The following CCDC171 variants were observed in gnomAD, a reference collection of about 807,000 sequenced individuals.
CCDC171 encodes coiled-coil domain-containing protein 171.
Under a neutral mutation model 168.2 loss-of-function variants are expected in CCDC171, and 177 were observed. The observed-to-expected ratio is 1.05, with a 90% CI of 0.93 to 1.19. CCDC171 has a LOEUF of 1.19. Ranked by LOEUF, CCDC171 falls within the 50% of genes most tolerant of loss-of-function variation. The pLI is 0.00. For missense variants in CCDC171, 1,991 were observed against 1,539.0 expected (o/e 1.29, Z -4.91); for synonymous variants, 687 against 540.8 (o/e 1.27, Z -3.75).
At chr9:15,651,182 C>T (rs560967177) in intron 7 of CCDC171, among the ~76,000 whole-genome samples, 1 of 151,794 alleles carries the variant, frequency 6.6e-6, no homozygotes, top group South Asian at 2.1e-4. Context: ...AATCTCCACT[C>T]ACTGCAACTT....
At position 15,721,901 on chromosome 9, in the gene CCDC171, C is replaced by G. The variant is rs761386071; in HGVS notation, c.1425+26C>G. 1.2e-5 allele frequency: 15 copies of G among 1,271,154 alleles called. No homozygotes were observed. The African/African-American group carries it at 2.1e-4, about 18-fold the overall frequency. 78.7% of individuals were successfully genotyped at this position (1,271,154 alleles called of 1,614,324 possible). On this transcript the variant is annotated intron_variant, in intron 12 of 25. Transcript: ENST00000380701. ...GTAACACTTGCACTGTTTGGCTCCA[C>G]ACATATAGCCTTCGGCCTGTACCAG... is the stretch of plus-strand genomic sequence containing the variant.
chr9:15,849,156 A>G (rs1260953955), intron 23 of CCDC171, among the ~76,000 whole-genome samples: 2 of 151,740 alleles, frequency 1.3e-5, no homozygotes, highest in South Asian at 2.1e-4. Flanking sequence ...TAAAACTATG[A>G]AAATAGTGGT....
At chr9:15,852,023 A>C (rs1165458533) in intron 23 of CCDC171, among the ~76,000 whole-genome samples, 1 of 151,840 alleles carries the variant, frequency 6.6e-6, no homozygotes, top group Non-Finnish European at 1.5e-5. Context: ...GTTATTATGA[A>C]TAGTGAATGC....
At position 15,666,293 on chromosome 9, in the gene CCDC171, A is replaced by G. The variant is rs753868017; in HGVS notation, c.1046A>G (p.Asn349Ser). ...AGTGCATATGAGCGAGAAAAGCATA[A>G]TGCACAAGAGAGCTTTGCAAAACTA... ...VESAYEREKHNAQESFAKLNL... is the reference protein window; with the variant it reads ...VESAYEREKHSAQESFAKLNL... The change falls in exon 9 of 26, where the codon AAT becomes AGT. Residue 349 changes from asparagine to serine, a missense_variant. Transcript: ENST00000380701. 1.2e-6 allele frequency: 2 copies of G among 1,613,294 alleles called. No individual in the cohort carries two copies. Among genetic ancestry groups the G allele is most frequent in the African/African-American group, 2.7e-5 (2 of 74,924 alleles).
intron 11 of CCDC171, among the ~76,000 whole-genome samples, chr9:15,719,704 G>A (rs540067374): frequency 1.3e-5 from 2 of 152,140 alleles, no homozygotes; most frequent in African/African-American, 2.4e-5. Context: ...TAAGGAGAGG[G>A]CATTTTGTCC....
intron 21 of CCDC171, among the ~76,000 whole-genome samples, chr9:15,843,387 C>A (rs2130679040): frequency 6.6e-6 from 1 of 152,116 alleles, no homozygotes; most frequent in Middle Eastern, 3.4e-3. Flanking sequence ...TCATATCTAG[C>A]CTTAACTTTC....
At chr9:15,599,084 G>C (rs2042618667) in intron 6 of CCDC171, among the ~76,000 whole-genome samples, 1 of 152,038 alleles carries the variant, frequency 6.6e-6, no homozygotes, top group Admixed American at 6.6e-5. Context: ...CACGCTGATG[G>C]GCCTTGACTC....
chr9:15,703,006 C>T (rs1055358791), intron 11 of CCDC171, among the ~76,000 whole-genome samples: 8 of 151,890 alleles, frequency 5.3e-5, no homozygotes, highest in East Asian at 1.9e-4. Context: ...TGGGTTCAAG[C>T]GATTCTCCTG....
intron 21 of CCDC171, among the ~76,000 whole-genome samples, chr9:15,807,472 C>G (rs2059132377): frequency 6.6e-6 from 1 of 152,146 alleles, no homozygotes; most frequent in South Asian, 2.1e-4. Flanking sequence ...ATAACCTTTA[C>G]TCAGGGATGG....
At chr9:15,906,095 CA>C (rs1171752083) in intron 24 of CCDC171, among the ~76,000 whole-genome samples, 1 of 152,172 alleles carries the variant, frequency 6.6e-6, no homozygotes, top group Non-Finnish European at 1.5e-5. Context: ...ACCAGAGGTA[CA>C]AGGAGGAGCT....
the CCDC171 span, among the ~76,000 whole-genome samples, chr9:16,090,739 C>G: frequency 6.6e-6 from 1 of 152,154 alleles, no homozygotes; most frequent in Non-Finnish European, 1.5e-5. Flanking sequence ...TGAAGCCTAA[C>G]ATGAGTTTCA....
intron 24 of CCDC171, among the ~76,000 whole-genome samples, chr9:15,908,249 C>G (rs1823025091): frequency 6.6e-6 from 1 of 152,200 alleles, no homozygotes; most frequent in African/African-American, 2.4e-5. Flanking sequence ...AGACTTGGAA[C>G]TAACCCAAAT....
At chr9:15,938,947 A>G (rs1460690739) in intron 25 of CCDC171, among the ~76,000 whole-genome samples, 1 of 151,780 alleles carries the variant, frequency 6.6e-6, no homozygotes, top group Non-Finnish European at 1.5e-5. Flanking sequence ...TTTCATGATA[A>G]AATGATTGCT....
At chr9:15,694,974 G>C (rs766019188) in intron 10 of CCDC171, among the ~76,000 whole-genome samples, 12 of 152,170 alleles carry the variant, frequency 7.9e-5, no homozygotes, top group Non-Finnish European at 1.5e-4. Flanking sequence ...TAGGGTTATT[G>C]TGAGGATAAA....
In CCDC171 at chr9:15,876,808, G is replaced by A. The variant is rs116368463; in HGVS notation, c.3600+2145G>A. Among the ~76,000 whole-genome samples, 1,452 of 152,102 alleles carry A rather than the reference G, an allele frequency of 9.5e-3. 24 individuals are homozygous for A. Among genetic ancestry groups the A allele is most frequent in the African/African-American group, 0.033 (1,384 of 41,504 alleles). On this transcript the variant is annotated intron_variant, in intron 24 of 25. Transcript: ENST00000380701. Reference sequence around the variant, plus strand: ...TGGCTACTGACTTGGGAATTCAGTAGTTGTTTAACTTTGTACTCTGACTCT... The same window carrying A: ...TGGCTACTGACTTGGGAATTCAGTAATTGTTTAACTTTGTACTCTGACTCT...
chr9:15,842,438 T>G (rs1036492178), intron 21 of CCDC171, among the ~76,000 whole-genome samples: 1 of 152,046 alleles, frequency 6.6e-6, no homozygotes, highest in Admixed American at 6.6e-5. Context: ...ATATTCCAAT[T>G]CAGGGAATTC....
intron 16 of CCDC171, among the ~76,000 whole-genome samples, chr9:15,732,383 T>C (rs1379567212): frequency 1.3e-5 from 2 of 152,142 alleles, no homozygotes; most frequent in Non-Finnish European, 2.9e-5. Flanking sequence ...TTTCATTTTT[T>C]CCCTCTTCAT....
chr9:15,562,998 A>G (rs1247349771), intron 1 of CCDC171, among the ~76,000 whole-genome samples: 2 of 152,134 alleles, frequency 1.3e-5, no homozygotes, highest in Admixed American at 6.6e-5. Context: ...TAAAGTGAGG[A>G]TAATAACCCT....
chr9:15,874,461 A>C (rs968748404), intron 23 of CCDC171, 71 bp from the exon 24 acceptor site: 1 of 1,390,678 alleles, frequency 7.2e-7, no homozygotes, highest in East Asian at 2.6e-5. Flanking sequence ...AGTGGGCTCA[A>C]GGGGACCCAG....
Sources: allele counts gnomAD v4.1 joint callset (sites outside exome capture counted in the v4.1 genomes callset), GRCh38; gene constraint gnomAD v4.1.1; transcripts MANE v1.5; gene names NCBI Gene and HGNC (gene_info 2026-07-23, HGNC 2026-07-21).